Variants in TENM3 observed in about 807,000 individuals in gnomAD.
The protein encoded by TENM3 is teneurin-3.
TENM3 carries 63 observed loss-of-function variants against 255.1 expected under a neutral mutation model. The observed-to-expected ratio is 0.25, with a 90% CI of 0.20 to 0.30. TENM3 has a LOEUF of 0.30. TENM3 is among the 10% of genes least tolerant of loss of function. TENM3 has a pLI of 1.00. For missense variants in TENM3, 2,929 were observed against 3,461.1 expected (o/e 0.85, Z 3.86); for synonymous variants, 1,306 against 1,322.3 (o/e 0.99, Z 0.27).
the TENM3 span, among the ~76,000 whole-genome samples, chr4:182,092,282 T>A: frequency 6.6e-6 from 1 of 151,918 alleles, no homozygotes; most frequent in East Asian, 1.9e-4. Context: ...CTGCAGTGAG[T>A]TGAGATGGCG....
At chr4:182,547,294 C>G (rs1741544813) in intron 3 of TENM3, among the ~76,000 whole-genome samples, 1 of 152,056 alleles carries the variant, frequency 6.6e-6, no homozygotes, top group African/African-American at 2.4e-5. Context: ...AGATTTATTT[C>G]TAAACTATAT....
Position 182,344,497 on chromosome 4 carries a change from C to T in TENM3, c.233-2154C>T, listed in dbSNP as rs113251038. On this transcript the variant is annotated intron_variant, in intron 2 of 27. Coordinates refer to ENST00000511685, the MANE Select transcript of TENM3 (RefSeq NM_001080477.4). Reference sequence around the variant, plus strand: ...TTGCAAAGTGAACTGTGTTTACATACCTGGGTAACAAAGATTACAGTTTTC... The same window carrying T: ...TTGCAAAGTGAACTGTGTTTACATATCTGGGTAACAAAGATTACAGTTTTC... Among the ~76,000 whole-genome samples the T allele has an allele frequency of 7.8e-3, 1,183 of 152,054 alleles. 18 individuals carry two copies. Among genetic ancestry groups the T allele is most frequent in the African/African-American group, 0.027 (1,107 of 41,486 alleles).
chr4:182,043,163 T>C, the TENM3 span, among the ~76,000 whole-genome samples: 3 of 152,268 alleles, frequency 2.0e-5, 1 homozygote, highest in Admixed American at 6.5e-5. Flanking sequence ...CGTGCACACA[T>C]ACACATTCTT....
the TENM3 span, among the ~76,000 whole-genome samples, chr4:181,514,238 CT>C: frequency 1.3e-5 from 2 of 152,094 alleles, no homozygotes; most frequent in African/African-American, 4.8e-5. Flanking sequence ...AAAACATAAA[CT>C]TTTTAATTCC....
chr4:181,709,478 A>C, the TENM3 span, among the ~76,000 whole-genome samples: 1 of 152,258 alleles, frequency 6.6e-6, no homozygotes, highest in Non-Finnish European at 1.5e-5. Context: ...ACTACTGGGA[A>C]TGCCTCTAAA....
intron 12 of TENM3, among the ~76,000 whole-genome samples, chr4:182,698,686 A>G (rs2152629017): frequency 6.6e-6 from 1 of 152,322 alleles, no homozygotes; most frequent in East Asian, 1.9e-4. Context: ...CACTATTGAC[A>G]TCAGGCCTTG....
chr4:182,346,565 A>G, intron 2 of TENM3, 86 bp from the exon 3 acceptor site: 1 of 1,170,608 alleles, frequency 8.5e-7, no homozygotes, highest in Non-Finnish European at 1.1e-6. Flanking sequence ...TTATTTCTGA[A>G]AGACATTCTT....
At chr4:182,327,065 T>G (rs1763461231) in intron 2 of TENM3, among the ~76,000 whole-genome samples, 1 of 152,186 alleles carries the variant, frequency 6.6e-6, no homozygotes, top group African/African-American at 2.4e-5. Flanking sequence ...AAGGAAAGTC[T>G]GCTATCAGAT....
chr4:182,427,998 A>G (rs1243949351), intron 3 of TENM3, among the ~76,000 whole-genome samples: 2 of 152,106 alleles, frequency 1.3e-5, no homozygotes, highest in Non-Finnish European at 2.9e-5. Flanking sequence ...ACAAAAGGAA[A>G]ATGTGATTAT....
At chr4:182,361,201 T>G (rs1489595725) in intron 3 of TENM3, among the ~76,000 whole-genome samples, 2 of 152,140 alleles carry the variant, frequency 1.3e-5, no homozygotes, top group Admixed American at 1.3e-4. Context: ...TTATGTGTCT[T>G]GGAGTTGCTC....
At chr4:182,166,992 G>C (rs918160412) in intron 1 of TENM3, among the ~76,000 whole-genome samples, 1 of 152,140 alleles carries the variant, frequency 6.6e-6, no homozygotes, top group Non-Finnish European at 1.5e-5. Flanking sequence ...TTTAAAATGA[G>C]ATTATTGAAG....
intron 19 of TENM3, among the ~76,000 whole-genome samples, chr4:182,747,550 C>T (rs553895703): frequency 6.6e-6 from 1 of 152,222 alleles, no homozygotes; most frequent in African/African-American, 2.4e-5. Context: ...GCTAAGGAAC[C>T]CCTTTAATAT....
At chr4:182,739,789 A>G (rs1233416592) in intron 18 of TENM3, among the ~76,000 whole-genome samples, 2 of 152,200 alleles carry the variant, frequency 1.3e-5, no homozygotes, top group Non-Finnish European at 2.9e-5. Context: ...TAATCTCAGC[A>G]CTTCAGGAGG....
chr4:182,289,952 G>A (rs1480216681), intron 1 of TENM3, among the ~76,000 whole-genome samples: 1 of 152,066 alleles, frequency 6.6e-6, no homozygotes, highest in East Asian at 1.9e-4. Flanking sequence ...CCCTCCCTGT[G>A]GATACCTCAT....
intron 4 of TENM3, among the ~76,000 whole-genome samples, chr4:182,609,133 T>A (rs1343400805): frequency 6.6e-6 from 1 of 152,180 alleles, no homozygotes; most frequent in Non-Finnish European, 1.5e-5. Flanking sequence ...TACTCCATGA[T>A]GGAAACGTGC....
intron 1 of TENM3, among the ~76,000 whole-genome samples, chr4:182,277,675 C>A (rs971629451): frequency 6.6e-6 from 1 of 152,144 alleles, no homozygotes; most frequent in African/African-American, 2.4e-5. Context: ...GAAGGGATGA[C>A]AAAATAGGAT....
the TENM3 span, among the ~76,000 whole-genome samples, chr4:181,938,209 A>G: frequency 2.6e-5 from 4 of 152,210 alleles, no homozygotes; most frequent in Admixed American, 6.5e-5. Context: ...CTGTCATGTT[A>G]TCAGATGTCT....
chr4:181,834,759 C>T, the TENM3 span: 4 of 152,208 alleles, frequency 2.6e-5, no homozygotes, highest in Admixed American at 2.6e-4. Flanking sequence ...TATTCTACAG[C>T]CAACCTGTTG....
chr4:181,918,600 T>C, the TENM3 span, among the ~76,000 whole-genome samples: 1 of 152,220 alleles, frequency 6.6e-6, no homozygotes, highest in Non-Finnish European at 1.5e-5. Context: ...AGATTAAATG[T>C]CCTGATTATT....
Sources: gnomAD v4.1 joint callset for allele counts (sites outside exome capture counted in the v4.1 genomes callset) on GRCh38, gnomAD v4.1.1 for gene constraint, MANE v1.5 for transcripts, NCBI Gene and HGNC (gene_info 2026-07-23, HGNC 2026-07-21) for gene names.